Variants in OLA1 observed in about 807,000 individuals in gnomAD.
OLA1 encodes the protein Obg like ATPase 1, also known as obg-like ATPase 1.
OLA1 carries 14 observed loss-of-function variants against 48.4 expected under a neutral mutation model. The observed-to-expected ratio is 0.29, with a 90% CI of 0.19 to 0.45. The LOEUF is 0.45. Among genes scored for constraint, OLA1 ranks in the 20% least tolerant of loss-of-function variants. The probability of loss-of-function intolerance (pLI) is 1.00; values close to 1 mark genes in which losing one functional copy is unlikely to be tolerated. For synonymous variants in OLA1, 127 were observed against 150.4 expected, an observed-to-expected ratio of 0.84 and a Z score of 1.14; for missense variants, 325 against 467.1, an observed-to-expected ratio of 0.70 and a Z score of 2.80.
At chr2:174,216,008 T>C (rs1004679474) in intron 4 of OLA1, among the ~76,000 whole-genome samples, 1 of 152,042 alleles carries the variant, frequency 6.6e-6, no homozygotes, top group African/African-American at 2.4e-5. Context: ...AAATGTTGAA[T>C]AACATAAGCC....
chr2:174,176,183 T>G (rs1365644200), intron 4 of OLA1, among the ~76,000 whole-genome samples: 1 of 152,088 alleles, frequency 6.6e-6, no homozygotes, highest in East Asian at 1.9e-4. Flanking sequence ...ACATGTATAT[T>G]TTACCTTAAT....
At chr2:174,168,372 TCTA>T (rs1687215686) in intron 4 of OLA1, among the ~76,000 whole-genome samples, 2 of 138,960 alleles carry the variant, frequency 1.4e-5, no homozygotes, top group Non-Finnish European at 3.1e-5. Context: ...AGTCCAACTG[TCTA>T]CTAATACAAA....
intron 2 of OLA1, among the ~76,000 whole-genome samples, chr2:174,236,761 C>T (rs1288636300): frequency 6.6e-6 from 1 of 152,028 alleles, no homozygotes; most frequent in Non-Finnish European, 1.5e-5. Context: ...ACACTGTAGA[C>T]AAATGTAACA....
At chr2:174,140,931 T>C (rs1686432307) in intron 5 of OLA1, among the ~76,000 whole-genome samples, 1 of 151,860 alleles carries the variant, frequency 6.6e-6, no homozygotes, top group Non-Finnish European at 1.5e-5. Context: ...TTTAAAAATA[T>C]TTTATTTATT....
intron 2 of OLA1, among the ~76,000 whole-genome samples, chr2:174,244,209 T>C (rs1177730111): frequency 1.3e-5 from 2 of 152,238 alleles, no homozygotes; most frequent in African/African-American, 4.8e-5. Flanking sequence ...TCCTACCTGA[T>C]ACAGTTGTGT....
chr2:174,095,347 TTTGTTG>T lies in OLA1; in HGVS notation c.729-13289_729-13284del, dbSNP rs1257603654. 3.1e-3 allele frequency among the ~76,000 whole-genome samples: 366 copies of T among 119,414 alleles called. 4 individuals carry two copies. Among genetic ancestry groups the T allele is most frequent in the Middle Eastern group, 0.016 (3 of 188 alleles). 78.3% of individuals were successfully genotyped at this position (119,414 alleles called of 152,430 possible). A position where few individuals can be genotyped will look rare whatever the true frequency, so the allele number is the denominator to read the frequency against. On this transcript the variant is annotated intron_variant, in intron 7 of 10. Coordinates refer to ENST00000284719, the MANE Select transcript of OLA1 (RefSeq NM_013341.5). ...CCTGTTTTTTTTTTTTTTTTTTTTT[TTTGTTG>T]TTGTTGTTGTTTTTATAGTGGCTTC...
intron 7 of OLA1, among the ~76,000 whole-genome samples, chr2:174,106,877 T>G (rs1326565451): frequency 6.6e-6 from 1 of 152,130 alleles, no homozygotes; most frequent in Non-Finnish European, 1.5e-5. Flanking sequence ...CAAATAAAAC[T>G]TCATGTATCA....
At chr2:174,210,501 G>A (rs1045700037) in intron 4 of OLA1, among the ~76,000 whole-genome samples, 3 of 152,026 alleles carry the variant, frequency 2.0e-5, no homozygotes, top group African/African-American at 7.2e-5. Flanking sequence ...ATCAAAAGGA[G>A]TGCAAAACTG....
chr2:174,104,153 T>TAAA (rs59961287), intron 7 of OLA1, among the ~76,000 whole-genome samples: 1 of 147,136 alleles, frequency 6.8e-6, no homozygotes, highest in African/African-American at 2.5e-5. Flanking sequence ...AAATACAAAT[T>TAAA]AAAAAAAAAA....
chr2:174,100,108 AC>A lies in OLA1; in HGVS notation c.729-18045del, dbSNP rs1685356859. Among the ~76,000 whole-genome samples, 3 of 152,250 alleles carry A rather than the reference AC, an allele frequency of 2.0e-5. No homozygotes were observed. The South Asian group carries it at 6.2e-4, about 31-fold the overall frequency. On this transcript the variant is annotated intron_variant, in intron 7 of 10. Transcript: ENST00000284719. Reference sequence around the variant, plus strand: ...AAAAAGTAAATAACCAAAGCAAGAAACACTGGGGGACCTGGATCAATAATAT... The same window carrying A: ...AAAAAGTAAATAACCAAAGCAAGAAAACTGGGGGACCTGGATCAATAATAT...
At chr2:174,238,270 C>T (rs1344311265) in intron 2 of OLA1, among the ~76,000 whole-genome samples, 3 of 152,014 alleles carry the variant, frequency 2.0e-5, no homozygotes, top group African/African-American at 2.4e-5. Flanking sequence ...CGGAGGCAGG[C>T]GGATCACCTG....
chr2:174,089,673 G>A (rs998325508), intron 7 of OLA1, among the ~76,000 whole-genome samples: 16 of 151,988 alleles, frequency 1.1e-4, no homozygotes, highest in Admixed American at 2.6e-4. Flanking sequence ...AGGCCGAGGC[G>A]GGGGGATTGC....
At chr2:174,130,600 G>A (rs1466785414) in intron 5 of OLA1, among the ~76,000 whole-genome samples, 1 of 152,126 alleles carries the variant, frequency 6.6e-6, no homozygotes, top group Non-Finnish European at 1.5e-5. Flanking sequence ...AAGAGAAGAA[G>A]GCAACTGTCC....
intron 4 of OLA1, among the ~76,000 whole-genome samples, chr2:174,212,278 T>C (rs987328439): frequency 2.0e-5 from 3 of 152,226 alleles, no homozygotes; most frequent in Non-Finnish European, 4.4e-5. Context: ...ATGGTAAGTA[T>C]TTGTGTATCT....
At chr2:174,180,772 G>A (rs994941398) in intron 4 of OLA1, among the ~76,000 whole-genome samples, 3 of 152,150 alleles carry the variant, frequency 2.0e-5, no homozygotes, top group Non-Finnish European at 2.9e-5. Flanking sequence ...GGAAAAGATA[G>A]AAATCAAAAG....
chr2:174,142,189 T>C (rs1301224750), intron 4 of OLA1, among the ~76,000 whole-genome samples, 189 bp from the exon 5 acceptor site: 1 of 152,172 alleles, frequency 6.6e-6, no homozygotes, highest in Non-Finnish European at 1.5e-5. Flanking sequence ...AAAACTATAG[T>C]TCAAGAGCCT....
At chr2:174,120,396 A>G (rs1685887710) in intron 7 of OLA1, among the ~76,000 whole-genome samples, 1 of 152,172 alleles carries the variant, frequency 6.6e-6, no homozygotes, top group South Asian at 2.1e-4. Context: ...GCTTGTGCTC[A>G]CCAAAAACAA....
chr2:174,083,265 T>G (rs1034582227), intron 7 of OLA1, among the ~76,000 whole-genome samples: 1 of 152,120 alleles, frequency 6.6e-6, no homozygotes, highest in African/African-American at 2.4e-5. Context: ...AATGCCACTT[T>G]AGGGGAAAAG....
intron 4 of OLA1, 30 bp downstream of exon 4, chr2:174,223,003 A>C (rs778116577): frequency 6.3e-7 from 1 of 1,583,372 alleles, no homozygotes; most frequent in Non-Finnish European, 8.6e-7. Flanking sequence ...TCTGAATGAA[A>C]TCAATGATTA....
Sources: allele counts gnomAD v4.1 joint callset (sites outside exome capture counted in the v4.1 genomes callset), GRCh38; gene constraint gnomAD v4.1.1; transcripts MANE v1.5; gene names NCBI Gene and HGNC (gene_info 2026-07-23, HGNC 2026-07-21).